USP20: variants seen among roughly 807,000 people sequenced by gnomAD.
USP20 encodes the protein ubiquitin carboxyl-terminal hydrolase 20.
A neutral mutation model predicts 124.2 loss-of-function variants in USP20; 80 were observed. That is an observed-to-expected ratio of 0.64 (90% confidence interval 0.54 to 0.78). The LOEUF is 0.78. USP20 is among the 30% of genes least tolerant of loss of function. The pLI, the probability that USP20 is intolerant of heterozygous loss-of-function variation, is 0.00. For synonymous variants in USP20, 481 were observed against 512.3 expected (o/e 0.94, Z 0.83); for missense variants, 1,043 against 1,244.4 (o/e 0.84, Z 2.44).
intron 22 of USP20, among the ~76,000 whole-genome samples, chr9:129,877,825 C>A (rs1396748219): frequency 6.6e-6 from 1 of 152,100 alleles, no homozygotes; most frequent in Non-Finnish European, 1.5e-5. Flanking sequence ...GTTATCCCAG[C>A]ACTTTTGAGA....
At position 129,863,229 on chromosome 9, in the gene USP20, C is replaced by A; in HGVS notation, c.541C>A (p.Arg181Ser). 1 of 1,550,104 alleles carries A rather than the reference C, an allele frequency of 6.5e-7. No homozygotes were observed. Residue 181 changes from arginine (R) to serine (S), a missense_variant, in exon 9 of 26, where the codon CGC becomes AGC. Transcript: ENST00000372429. ...QFFLECGGLV[R>S]TDKKPALCKS... Reference sequence around the variant, plus strand: ...CTTCTTGGAGTGTGGCGGCCTGGTGCGCACAGATAAGAAGCCAGCCCTGTG... The same window carrying A: ...CTTCTTGGAGTGTGGCGGCCTGGTGAGCACAGATAAGAAGCCAGCCCTGTG...
intron 23 of USP20, among the ~76,000 whole-genome samples, chr9:129,878,870 C>T (rs2034520401): frequency 6.6e-6 from 1 of 152,264 alleles, no homozygotes; most frequent in African/African-American, 2.4e-5. Context: ...CCCACAGGCT[C>T]TAAACTATTA....
chr9:129,846,250 T>A (rs1164587177), intron 1 of USP20, among the ~76,000 whole-genome samples: 1,800 of 100,214 alleles, frequency 0.018, 14 homozygotes, highest in African/African-American at 0.051. Flanking sequence ...TATATATATT[T>A]TTTTTTTTTT....
chr9:129,837,605 T>G (rs907676161), intron 1 of USP20, among the ~76,000 whole-genome samples: 3 of 152,216 alleles, frequency 2.0e-5, no homozygotes, highest in Non-Finnish European at 4.4e-5. Flanking sequence ...GATCCCTGAT[T>G]AGTTGAGTGT....
Position 129,879,045 on chromosome 9 carries a change from G to A in USP20, c.2513-528G>A, listed in dbSNP as rs1434397980. Among the ~76,000 whole-genome samples, 2 of 152,322 alleles carry A rather than the reference G, an allele frequency of 1.3e-5. No homozygotes were observed. Among genetic ancestry groups the A allele is most frequent in the East Asian group, 1.9e-4 (1 of 5,166 alleles). ...GGAAGGGAGGCCTCATTGCCATCCCGCTAGTCGGGGAAGGTGCCAGGGCCA... is the reference window on the plus strand; with the variant it reads ...GGAAGGGAGGCCTCATTGCCATCCCACTAGTCGGGGAAGGTGCCAGGGCCA... On this transcript the variant is annotated intron_variant, in intron 23 of 25. Transcript: ENST00000372429. The surrounding 1 kb of genome is among the most constrained non-coding windows in gnomAD (Gnocchi z 4.2).
chr9:129,852,651 C>A lies in USP20; in HGVS notation c.81+15C>A, dbSNP rs1371140448. ...TCAAATCTAAGGTAAAGGGTCAGAC[C>A]TTACGGGGCCAGGGCCCACACCCAG... On this transcript the variant is annotated intron_variant, in intron 3 of 25. Coordinates refer to ENST00000372429, the MANE Select transcript of USP20 (RefSeq NM_001110303.4). 1 of 1,572,954 alleles carries A rather than the reference C, an allele frequency of 6.4e-7. No homozygotes were observed. The highest frequency in any genetic ancestry group is 1.2e-5 in the South Asian group (1 of 85,922).
chr9:129,840,927 T>C (rs1323831939), intron 1 of USP20, among the ~76,000 whole-genome samples: 1 of 152,012 alleles, frequency 6.6e-6, no homozygotes, highest in Admixed American at 6.6e-5. Flanking sequence ...CCCACAACCA[T>C]GCCCGGCTAA....
Position 129,879,394 on chromosome 9 carries a change from T to A in USP20, c.2513-179T>A, listed in dbSNP as rs1037991898. 1.6e-6 allele frequency: 1 copy of A among 611,714 alleles called. No individual in the cohort carries two copies. The highest frequency in any genetic ancestry group is 2.9e-5 in the Admixed American group (1 of 34,144). 37.9% of individuals were successfully genotyped at this position (611,714 alleles called of 1,614,324 possible). ...AGACCATCTCGTGTGTCCTGGAAATTCCCTCTGCTGGGTCCTCAGACTGCC... is the reference window on the plus strand; with the variant it reads ...AGACCATCTCGTGTGTCCTGGAAATACCCTCTGCTGGGTCCTCAGACTGCC... On this transcript the variant is annotated intron_variant, in intron 23 of 25. Transcript: ENST00000372429. The surrounding 1 kb of genome is among the most constrained non-coding windows in gnomAD (Gnocchi z 4.2).
At chr9:129,852,841 G>T (rs1017093897) in intron 3 of USP20, among the ~76,000 whole-genome samples, 2 of 152,246 alleles carry the variant, frequency 1.3e-5, no homozygotes, top group Middle Eastern at 6.8e-3. Flanking sequence ...TTTAGACAAG[G>T]CCATTTGGGA....
intron 9 of USP20, among the ~76,000 whole-genome samples, chr9:129,863,879 A>G (rs1005157279): frequency 4.6e-5 from 7 of 152,144 alleles, no homozygotes; most frequent in Non-Finnish European, 8.8e-5. Flanking sequence ...AGGCTGAGGC[A>G]GGTGGATCAC....
Position 129,868,916 on chromosome 9 carries a change from A to G in USP20, c.1190A>G (p.His397Arg), listed in dbSNP as rs1421024439. ...RSSSRPCSPV[H>R]HHEGHAKLSS... ...TCCTCTCGCCCCTGCAGCCCCGTCC[A>G]CCACCACGAGGGCCATGCCAAGCTG... Residue 397 changes from histidine (H) to arginine (R), a missense_variant, in exon 12 of 26, where the codon CAC becomes CGC. Transcript: ENST00000372429. 5 of 1,611,516 alleles carry G rather than the reference A, an allele frequency of 3.1e-6. No individual in the cohort carries two copies. The highest frequency in any genetic ancestry group is 4.2e-6 in the Non-Finnish European group (5 of 1,178,604).
intron 15 of USP20, among the ~76,000 whole-genome samples, chr9:129,872,378 C>A (rs992362753): frequency 6.6e-6 from 1 of 152,160 alleles, no homozygotes; most frequent in Non-Finnish European, 1.5e-5. Context: ...GTCTCGAACT[C>A]CTGACCTCAA....
intron 10 of USP20, among the ~76,000 whole-genome samples, chr9:129,866,194 G>C (rs561074000): frequency 7.4e-6 from 1 of 136,054 alleles, no homozygotes; most frequent in Non-Finnish European, 1.6e-5. Context: ...CACCATGGAC[G>C]GAGTGGCAGT....
At chr9:129,844,529 G>A (rs1055306363) in intron 1 of USP20, among the ~76,000 whole-genome samples, 3 of 150,798 alleles carry the variant, frequency 2.0e-5, no homozygotes, top group African/African-American at 7.3e-5. Context: ...GGGAGGCTGA[G>A]GTGGTAGGAT....
intron 1 of USP20, among the ~76,000 whole-genome samples, chr9:129,848,456 A>G (rs11788902): frequency 0.16 from 24,196 of 151,910 alleles, 2,343 homozygotes; most frequent in Non-Finnish European, 0.21. Context: ...TGAAGTTGCA[A>G]GAATGTAAGT....
intron 3 of USP20, among the ~76,000 whole-genome samples, chr9:129,854,465 AG>A (rs2131054849): frequency 6.6e-6 from 1 of 152,332 alleles, no homozygotes; most frequent in Non-Finnish European, 1.5e-5. Context: ...CACATTACAG[AG>A]AAATATGTAT....
intron 3 of USP20, 100 bp downstream of exon 3, chr9:129,852,736 C>A (rs1204085975): frequency 2.5e-6 from 3 of 1,194,602 alleles, no homozygotes; most frequent in Non-Finnish European, 3.6e-6. Context: ...GGTTCCCTGA[C>A]AGTCTCTGCT....
chr9:129,880,192 C>T lies in USP20; in HGVS notation c.2664C>T (p.Ile888=). The change falls in exon 25 of 26, where the codon ATC becomes ATT. Residue 888 remains isoleucine (I), a synonymous_variant. Transcript: ENST00000372429. The stretch of plus-strand genomic sequence containing the variant: ...ATGGAGGTGGCCCCGAGATTGCCAT[C>T]CGCCAGAGTGTGGCGCAGCCGCTGG... The part of the protein sequence containing the change: ...SLYGGGPEIA[I]RQSVAQPLGP... 6.2e-7 allele frequency: 1 copy of T among 1,613,846 alleles called. No individual in the cohort carries two copies. The highest frequency in any genetic ancestry group is 1.1e-5 in the South Asian group (1 of 91,086).
chr9:129,868,479 A>T, intron 11 of USP20, 30 bp downstream of exon 11: 2 of 1,594,542 alleles, frequency 1.3e-6, no homozygotes, highest in Non-Finnish European at 1.7e-6. Flanking sequence ...TGCGGGAGGA[A>T]CCTCAGCCTA....
Sources: gnomAD v4.1 joint callset for allele counts (sites outside exome capture counted in the v4.1 genomes callset) on GRCh38, gnomAD v4.1.1 for gene constraint, Gnocchi (gnomAD v3.1) non-coding constraint, MANE v1.5 for transcripts, NCBI Gene and HGNC (gene_info 2026-07-23, HGNC 2026-07-21) for gene names.